CDH12: variants seen among roughly 807,000 people sequenced by gnomAD.
The protein encoded by CDH12 is cadherin 12.
In CDH12, 41 loss-of-function variants were observed where a neutral mutation model predicts 74.1. The observed-to-expected ratio is 0.55, with a 90% CI of 0.43 to 0.72. The LOEUF (loss-of-function observed/expected upper bound fraction) is 0.72. Among genes scored for constraint, CDH12 ranks in the 30% least tolerant of loss-of-function variants. CDH12 has a pLI of 0.00. For synonymous variants in CDH12, 399 were observed against 355.0 expected (o/e 1.12, Z -1.39); for missense variants, 945 against 977.2 (o/e 0.97, Z 0.44).
intron 3 of CDH12, among the ~76,000 whole-genome samples, chr5:22,299,340 T>G (rs1432668450): frequency 6.6e-6 from 1 of 152,044 alleles, no homozygotes; most frequent in Non-Finnish European, 1.5e-5. Context: ...TGTCTCTGAA[T>G]AAAAGATGGG....
intron 5 of CDH12, among the ~76,000 whole-genome samples, chr5:22,073,953 A>T (rs1742127739): frequency 6.6e-6 from 1 of 152,170 alleles, no homozygotes. Context: ...AAGAACCAGA[A>T]AGTCATATTC....
Position 21,884,324 on chromosome 5 carries a change from G to A in CDH12, c.527-29534C>T, listed in dbSNP as rs1412956131. 46 of 1,154,088 alleles carry A rather than the reference G, an allele frequency of 4.0e-5. No individual in the cohort carries two copies. In the East Asian group the frequency reaches 1.0e-3, roughly 26 times the overall value. The allele number at this position is 1,154,088 out of a possible 1,614,324, so 71.5% of individuals were successfully genotyped here. A position where few individuals can be genotyped will look rare whatever the true frequency, so the allele number is the denominator to read the frequency against. On this transcript the variant is annotated intron_variant, in intron 6 of 14. Coordinates refer to ENST00000382254, the MANE Select transcript of CDH12 (RefSeq NM_004061.5). ...GTGGCATGTTCTAACTCCTAGACTA[G>A]TGCTTTACCTTTATTAATGAACTGT...
intron 3 of CDH12, among the ~76,000 whole-genome samples, chr5:22,247,404 C>T (rs1021426538): frequency 2.0e-5 from 3 of 152,168 alleles, no homozygotes; most frequent in Non-Finnish European, 2.9e-5. Flanking sequence ...GGGCTGGACC[C>T]AGTGGCTCAT....
intron 3 of CDH12, among the ~76,000 whole-genome samples, chr5:22,361,877 ATGGAGAAACC>A (rs1561344530): frequency 1.3e-5 from 2 of 152,224 alleles, no homozygotes; most frequent in African/African-American, 4.8e-5. Context: ...GACTAGCCAT[ATGGAGAAACC>A]TGAAACTGGA....
At chr5:21,806,958 C>G (rs890043283) in intron 9 of CDH12, among the ~76,000 whole-genome samples, 1 of 152,184 alleles carries the variant, frequency 6.6e-6, no homozygotes, top group African/African-American at 2.4e-5. Flanking sequence ...AGAAAGTCCA[C>G]AAGATTAGGA....
At chr5:22,775,984 T>C (rs1034021477) in intron 1 of CDH12, among the ~76,000 whole-genome samples, 1 of 152,152 alleles carries the variant, frequency 6.6e-6, no homozygotes, top group Non-Finnish European at 1.5e-5. Flanking sequence ...TTTCTCTTGC[T>C]GCCACCATGT....
At chr5:22,766,130 AAG>A (rs1390322499) in intron 1 of CDH12, among the ~76,000 whole-genome samples, 3 of 151,990 alleles carry the variant, frequency 2.0e-5, no homozygotes, top group Admixed American at 2.0e-4. Flanking sequence ...AACTATTAGA[AAG>A]TATGGAGAGC....
At chr5:22,191,858 C>G (rs1284220585) in intron 4 of CDH12, among the ~76,000 whole-genome samples, 1 of 151,998 alleles carries the variant, frequency 6.6e-6, no homozygotes, top group Non-Finnish European at 1.5e-5. Context: ...GCCACCGCGC[C>G]CGGCCCACCA....
chr5:21,947,314 T>G (rs1401865310), intron 6 of CDH12, among the ~76,000 whole-genome samples: 1 of 152,098 alleles, frequency 6.6e-6, no homozygotes, highest in Non-Finnish European at 1.5e-5. Context: ...TGGAAGTGTT[T>G]GGAGGGCTCA....
chr5:22,568,386 G>A (rs1211537458), intron 1 of CDH12, among the ~76,000 whole-genome samples: 2 of 152,154 alleles, frequency 1.3e-5, no homozygotes, highest in South Asian at 2.1e-4. Flanking sequence ...GATAGAATGA[G>A]ATATTAATTA....
intron 4 of CDH12, among the ~76,000 whole-genome samples, chr5:22,111,883 T>C (rs887889449): frequency 6.6e-5 from 10 of 152,176 alleles, no homozygotes; most frequent in African/African-American, 1.9e-4. Context: ...TGCTTGAAAT[T>C]AATGACTTTT....
At chr5:22,723,106 T>G (rs1377715353) in intron 1 of CDH12, among the ~76,000 whole-genome samples, 1 of 152,210 alleles carries the variant, frequency 6.6e-6, no homozygotes, top group Non-Finnish European at 1.5e-5. Flanking sequence ...TAATTGCTAA[T>G]TCTTTTCTTT....
intron 6 of CDH12, among the ~76,000 whole-genome samples, chr5:21,933,910 A>G (rs1363398049): frequency 6.6e-6 from 1 of 152,230 alleles, no homozygotes; most frequent in Non-Finnish European, 1.5e-5. Context: ...GATAGAAGAT[A>G]AAACTAACAG....
chr5:22,832,404 T>C (rs893108048), intron 1 of CDH12, among the ~76,000 whole-genome samples: 14 of 152,116 alleles, frequency 9.2e-5, no homozygotes, highest in African/African-American at 2.7e-4. Flanking sequence ...AAGTCTGAAG[T>C]TTAAGAAATT....
At chr5:22,225,533 C>A (rs1238825181) in intron 3 of CDH12, among the ~76,000 whole-genome samples, 5 of 152,102 alleles carry the variant, frequency 3.3e-5, no homozygotes, top group African/African-American at 4.8e-5. Flanking sequence ...GACAATCCTA[C>A]TGTTTTTCAG....
At chr5:21,762,874 CTTTT>C (rs10561731) in intron 12 of CDH12, among the ~76,000 whole-genome samples, 34 of 128,500 alleles carry the variant, frequency 2.6e-4, no homozygotes, top group African/African-American at 7.0e-4. Context: ...AAAGAACTGG[CTTTT>C]TTTTTTTTTT....
In CDH12 at chr5:22,212,658, ACAT is replaced by A. The variant is rs986580782; in HGVS notation, c.-332-18_-332-16del. 2.2e-6 allele frequency: 2 copies of A among 926,028 alleles called. No individual in the cohort carries two copies. The highest frequency in any genetic ancestry group is 3.7e-5 in the African/African-American group (2 of 53,700). The allele number at this position is 926,028 out of a possible 1,614,324, so 57.4% of individuals were successfully genotyped here. On this transcript the variant is annotated splice_polypyrimidine_tract_variant and intron_variant, in intron 3 of 14. Transcript: ENST00000382254. ...CTCCTCACTGTCTAAGGAGAGAAAA[ACAT>A]CAGCTGAAATCCTCCGAGGTTCCCA...
At chr5:21,940,258 G>A (rs910526114) in intron 6 of CDH12, among the ~76,000 whole-genome samples, 1 of 151,998 alleles carries the variant, frequency 6.6e-6, no homozygotes, top group Non-Finnish European at 1.5e-5. Flanking sequence ...AAATAAATAT[G>A]ATGATATGAT....
intron 3 of CDH12, among the ~76,000 whole-genome samples, chr5:22,288,840 CAACTT>C (rs1302473120): frequency 6.6e-6 from 1 of 152,012 alleles, no homozygotes; most frequent in Admixed American, 6.6e-5. Flanking sequence ...AATATAATAA[CAACTT>C]AAATCTAAAT....
Sources: gnomAD v4.1 joint callset for allele counts (sites outside exome capture counted in the v4.1 genomes callset) on GRCh38, gnomAD v4.1.1 for gene constraint, MANE v1.5 for transcripts, NCBI Gene and HGNC (gene_info 2026-07-23, HGNC 2026-07-21) for gene names.